The following XKR6 variants were observed in gnomAD, a reference collection of about 807,000 sequenced individuals.
XKR6 encodes the protein XK-related protein 6.
XKR6 carries 22 observed loss-of-function variants against 56.7 expected under a neutral mutation model. The ratio of observed to expected loss-of-function variants is 0.39; its 90% confidence interval spans 0.28 to 0.55. XKR6 has a LOEUF of 0.55. Among genes scored for constraint, XKR6 ranks in the 20% least tolerant of loss-of-function variants. XKR6 has a pLI of 0.66. For missense variants in XKR6, 852 were observed against 889.0 expected, an observed-to-expected ratio of 0.96 and a Z score of 0.53; for synonymous variants, 524 against 387.8, an observed-to-expected ratio of 1.35 and a Z score of -4.13.
intron 2 of XKR6, among the ~76,000 whole-genome samples, chr8:10,918,719 G>T (rs1036963943): frequency 6.6e-6 from 1 of 152,142 alleles, no homozygotes; most frequent in African/African-American, 2.4e-5. Context: ...GGAGGACAGA[G>T]CCATCACTCT....
chr8:10,896,628 G>A lies in XKR6; in HGVS notation c.*1324C>T, dbSNP rs1799890055. The A allele has an allele frequency of 6.6e-6, 1 of 152,518 alleles. No individual in the cohort carries two copies. 9.4% of individuals were successfully genotyped at this position (152,518 alleles called of 1,614,324 possible). On this transcript the variant is annotated 3_prime_UTR_variant, in exon 3 of 3. Transcript: ENST00000416569. ...CATTCAACCCAGATGCACCAGGTGA[G>A]CTGAATGATTTTCAGCCAACCACAA...
chr8:11,005,788 G>C (rs1798353663), intron 1 of XKR6, among the ~76,000 whole-genome samples: 1 of 146,874 alleles, frequency 6.8e-6, no homozygotes, highest in African/African-American at 2.5e-5. Context: ...CATATCTACA[G>C]TTTTCAAGGT....
intron 1 of XKR6, among the ~76,000 whole-genome samples, chr8:10,964,357 C>G (rs1275812868): frequency 6.6e-6 from 1 of 152,290 alleles, no homozygotes; most frequent in African/African-American, 2.4e-5. Flanking sequence ...TCGGGGCTGT[C>G]CTGATGACAT....
chr8:11,016,564 C>T (rs1000816528), intron 1 of XKR6, among the ~76,000 whole-genome samples: 6 of 152,216 alleles, frequency 3.9e-5, no homozygotes, highest in African/African-American at 1.4e-4. Flanking sequence ...CGGAAGTCCC[C>T]GTCCGCGCCC....
intron 2 of XKR6, among the ~76,000 whole-genome samples, chr8:10,911,573 T>TAGAGAGAG (rs1179056346): frequency 2.1e-5 from 3 of 144,380 alleles, no homozygotes; most frequent in Non-Finnish European, 4.5e-5. Flanking sequence ...TATATATATA[T>TAGAGAGAG]AGAGAGAGAG....
In XKR6 at chr8:10,898,585, A is replaced by C. The variant is rs1037756269; in HGVS notation, c.1293T>G (p.Phe431Leu). The change falls in exon 3 of 3, where the codon TTT (phenylalanine) becomes TTG (leucine). Residue 431 changes from phenylalanine to leucine, a missense_variant. By Grantham distance (22) the Phe-to-Leu change is conservative. Transcript: ENST00000416569. The surrounding 1 kb of genome is among the most constrained non-coding windows in gnomAD (Gnocchi z 6.6). ...VVGIVYIFCWFNVKEGRTRYR... is the reference protein window; with the variant it reads ...VVGIVYIFCWLNVKEGRTRYR... ...ATCGAGTCCGCCCTTCCTTGACGTT[A>C]AACCAGCAGAAAATGTACACGATCC... 3 of 1,614,162 alleles carry C rather than the reference A, an allele frequency of 1.9e-6. No homozygotes were observed. Among genetic ancestry groups the C allele is most frequent in the Non-Finnish European group, 2.5e-6 (3 of 1,180,024 alleles).
chr8:11,048,530 C>T (rs915536188), intron 1 of XKR6, among the ~76,000 whole-genome samples: 7 of 152,170 alleles, frequency 4.6e-5, no homozygotes, highest in Non-Finnish European at 5.9e-5. Context: ...AATACAGGTT[C>T]CTGGGACCAA....
chr8:11,022,055 C>A lies in XKR6; in HGVS notation c.765-97225G>T, dbSNP rs1586441320. Among the ~76,000 whole-genome samples the A allele has an allele frequency of 4.0e-5, 6 of 151,132 alleles. No homozygotes were observed. The South Asian group carries it at 1.3e-3, about 32-fold the overall frequency. On this transcript the variant is annotated intron_variant, in intron 1 of 2. Transcript: ENST00000416569. ...ACAAAGGCACTGGCCTGAAGGAGTT[C>A]ATGGCCCACTGGGGAGCTTTTTCAG...
intron 1 of XKR6, among the ~76,000 whole-genome samples, chr8:11,096,650 C>G (rs918032933): frequency 5.9e-5 from 9 of 152,324 alleles, no homozygotes; most frequent in Middle Eastern, 3.4e-3. Context: ...AAAAAGTAAC[C>G]ATGAGAGTCA....
intron 1 of XKR6, among the ~76,000 whole-genome samples, chr8:11,103,207 G>A (rs12543623): frequency 0.012 from 1,829 of 152,264 alleles, 40 homozygotes; most frequent in African/African-American, 0.04. Flanking sequence ...GGAGAAGACA[G>A]AAACTACAAT....
At chr8:11,142,285 T>C (rs1184384445) in intron 1 of XKR6, among the ~76,000 whole-genome samples, 2 of 152,156 alleles carry the variant, frequency 1.3e-5, no homozygotes, top group African/African-American at 4.8e-5. Context: ...GGGCAAGATA[T>C]GTAGATAATG....
chr8:10,984,724 C>CTT (rs1393662292), intron 1 of XKR6, among the ~76,000 whole-genome samples: 2 of 74,896 alleles, frequency 2.7e-5, no homozygotes, highest in Non-Finnish European at 5.8e-5. Context: ...CTCTCTCTCT[C>CTT]TCTCTCTCTA....
intron 1 of XKR6, among the ~76,000 whole-genome samples, chr8:11,071,859 T>A (rs1800138373): frequency 7.9e-6 from 1 of 126,268 alleles, no homozygotes; most frequent in Non-Finnish European, 1.6e-5. Context: ...TCTGTTCACA[T>A]CACAGGGAAT....
At chr8:10,998,842 T>A (rs565673669) in intron 1 of XKR6, among the ~76,000 whole-genome samples, 1 of 152,270 alleles carries the variant, frequency 6.6e-6, no homozygotes, top group South Asian at 2.1e-4. Context: ...TCCTTCTGCC[T>A]CCAAGCAGCA....
chr8:10,960,245 G>A (rs1404740543), intron 1 of XKR6, among the ~76,000 whole-genome samples: 1 of 151,592 alleles, frequency 6.6e-6, no homozygotes, highest in African/African-American at 2.4e-5. Flanking sequence ...GGTATAGCAG[G>A]TAGGTGCAGG....
At chr8:11,032,905 T>C (rs553322814) in intron 1 of XKR6, among the ~76,000 whole-genome samples, 1 of 152,258 alleles carries the variant, frequency 6.6e-6, no homozygotes, top group South Asian at 2.1e-4. Flanking sequence ...GAGATGGTGA[T>C]AGTGATTGTG....
intron 1 of XKR6, among the ~76,000 whole-genome samples, chr8:11,112,450 A>G (rs1395644138): frequency 9.9e-5 from 15 of 152,218 alleles, no homozygotes; most frequent in Admixed American, 9.8e-4. Context: ...AAAGAAATCA[A>G]AATTTCCAAA....
At chr8:11,090,410 T>C (rs1798028197) in intron 1 of XKR6, among the ~76,000 whole-genome samples, 1 of 152,052 alleles carries the variant, frequency 6.6e-6, no homozygotes, top group African/African-American at 2.4e-5. Context: ...TAATGGTTTT[T>C]TTTTTTTCTT....
chr8:11,196,347 A>G (rs1803886954), intron 1 of XKR6, among the ~76,000 whole-genome samples: 1 of 152,226 alleles, frequency 6.6e-6, no homozygotes, highest in Non-Finnish European at 1.5e-5. Flanking sequence ...AGTGGGCTAC[A>G]TTTATTGAAC....
Sources: allele counts gnomAD v4.1 joint callset (sites outside exome capture counted in the v4.1 genomes callset), GRCh38; gene constraint gnomAD v4.1.1; non-coding constraint Gnocchi (gnomAD v3.1); transcripts MANE v1.5; gene names NCBI Gene and HGNC (gene_info 2026-07-23, HGNC 2026-07-21).